The following SMARCC1 variants were observed in gnomAD, a reference collection of about 807,000 sequenced individuals.
SMARCC1 encodes SWI/SNF complex subunit SMARCC1.
SMARCC1 carries 43 observed loss-of-function variants against 147.4 expected under a neutral mutation model. The observed-to-expected ratio is 0.29, with a 90% CI of 0.23 to 0.38. The LOEUF (loss-of-function observed/expected upper bound fraction) is 0.38, where lower values mean the gene tolerates loss of function less well. SMARCC1 is among the 10% of genes least tolerant of loss of function. The pLI, the probability that SMARCC1 is intolerant of heterozygous loss-of-function variation, is 1.00. For synonymous variants in SMARCC1, 495 were observed against 484.4 expected, an observed-to-expected ratio of 1.02 and a Z score of -0.29; for missense variants, 1,119 against 1,381.1, an observed-to-expected ratio of 0.81 and a Z score of 3.01.
At chr3:47,759,606 T>A (rs1576433754) in intron 2 of SMARCC1, among the ~76,000 whole-genome samples, 1 of 65,606 alleles carries the variant, frequency 1.5e-5, no homozygotes, top group Non-Finnish European at 3.5e-5. Flanking sequence ...GGGACAGAGC[T>A]AGACTCCGTC....
chr3:47,614,784 T>G (rs947553025), intron 25 of SMARCC1, among the ~76,000 whole-genome samples: 1 of 152,220 alleles, frequency 6.6e-6, no homozygotes, highest in Non-Finnish European at 1.5e-5. Flanking sequence ...CCTGATAAAC[T>G]GTAAGGAAGA....
chr3:47,732,736 A>G (rs1347643108), intron 5 of SMARCC1, among the ~76,000 whole-genome samples: 1 of 152,204 alleles, frequency 6.6e-6, no homozygotes, highest in Non-Finnish European at 1.5e-5. Flanking sequence ...ACCATCTTCT[A>G]TGGGTGTTGT....
intron 2 of SMARCC1, among the ~76,000 whole-genome samples, chr3:47,761,950 T>G (rs555791280): frequency 6.6e-6 from 1 of 151,958 alleles, no homozygotes; most frequent in Non-Finnish European, 1.5e-5. Context: ...CTGGGATTTT[T>G]TTTGTATTTT....
chr3:47,697,965 G>A (rs113286672), intron 11 of SMARCC1, among the ~76,000 whole-genome samples: 1,725 of 111,476 alleles, frequency 0.015, 48 homozygotes, highest in African/African-American at 0.054. Context: ...TCGAGATCGC[G>A]CCACTGCACT....
At chr3:47,740,211 TA>T (rs984987307) in intron 3 of SMARCC1, among the ~76,000 whole-genome samples, 1,495 of 78,040 alleles carry the variant, frequency 0.019, 157 homozygotes, top group East Asian at 0.029. Context: ...TTTTTTTTTT[TA>T]AAAGACAGAC....
intron 11 of SMARCC1, among the ~76,000 whole-genome samples, chr3:47,695,101 G>A (rs1028418194): frequency 2.0e-5 from 3 of 152,236 alleles, no homozygotes; most frequent in Non-Finnish European, 4.4e-5. Flanking sequence ...CCCAACTGTA[G>A]TGTCCTGGTA....
chr3:47,698,820 T>C (rs570751764), intron 11 of SMARCC1, among the ~76,000 whole-genome samples: 8 of 151,854 alleles, frequency 5.3e-5, no homozygotes, highest in African/African-American at 7.3e-5. Flanking sequence ...AAAACTATAA[T>C]AACTCAGGCC....
Position 47,693,233 on chromosome 3 carries a change from G to A in SMARCC1, c.1225+8C>T. On this transcript the variant is annotated splice_region_variant and intron_variant, in intron 12 of 27. Transcript: ENST00000254480. ...GCACAGACCAGTGTATAGATTTTAGGTGCTTACCTAGATCCGCTACAGTTC... is the reference window on the plus strand; with the variant it reads ...GCACAGACCAGTGTATAGATTTTAGATGCTTACCTAGATCCGCTACAGTTC... The A allele has an allele frequency of 1.3e-6, 2 of 1,513,462 alleles. No homozygotes were observed. Among genetic ancestry groups the A allele is most frequent in the South Asian group, 1.1e-5 (1 of 88,914 alleles). The allele number at this position is 1,513,462 out of a possible 1,614,324, so 93.8% of individuals were successfully genotyped here.
chr3:47,747,641 A>G (rs1289347217), intron 2 of SMARCC1, among the ~76,000 whole-genome samples: 1 of 151,450 alleles, frequency 6.6e-6, no homozygotes, highest in Non-Finnish European at 1.5e-5. Flanking sequence ...CAAAAAACAA[A>G]TTTTTTTATA....
At position 47,676,704 on chromosome 3, in the gene SMARCC1, A is replaced by T; in HGVS notation, c.1650T>A (p.Pro550=). The T allele has an allele frequency of 2.5e-6, 4 of 1,612,702 alleles. No individual in the cohort carries two copies. Among genetic ancestry groups the T allele is most frequent in the Non-Finnish European group, 3.4e-6 (4 of 1,178,800 alleles). Residue 550 remains proline (P), a synonymous_variant, in exon 17 of 28, where the codon CCT becomes CCA. Coordinates refer to ENST00000254480, the MANE Select transcript of SMARCC1 (RefSeq NM_003074.4). ...ATACATTAAAATGAGGAGTAGGAGGAGGTCCCATTGCCATGGGTCTACTTT... is the reference window on the plus strand; with the variant it reads ...ATACATTAAAATGAGGAGTAGGAGGTGGTCCCATTGCCATGGGTCTACTTT... ...DPESRPMAMG[P]PPTPHFNVLA...
chr3:47,644,348 T>C (rs373807806), intron 21 of SMARCC1, among the ~76,000 whole-genome samples: 2 of 151,898 alleles, frequency 1.3e-5, no homozygotes, highest in African/African-American at 4.8e-5. Context: ...AAAACAAAAT[T>C]AGCTGAGCAC....
At chr3:47,719,927 G>C (rs564345626) in intron 7 of SMARCC1, among the ~76,000 whole-genome samples, 1 of 151,982 alleles carries the variant, frequency 6.6e-6, no homozygotes, top group South Asian at 2.1e-4. Flanking sequence ...AGTAGAGATG[G>C]AGTTTCACCA....
chr3:47,649,895 A>G (rs921163401), intron 21 of SMARCC1, among the ~76,000 whole-genome samples: 12 of 152,210 alleles, frequency 7.9e-5, no homozygotes, highest in Non-Finnish European at 2.9e-5. Flanking sequence ...GTATTAAATA[A>G]CTGATGTAGG....
At chr3:47,635,836 GA>G (rs2032961796) in intron 23 of SMARCC1, among the ~76,000 whole-genome samples, 185 bp downstream of exon 23, 1 of 152,190 alleles carries the variant, frequency 6.6e-6, no homozygotes, top group Admixed American at 6.5e-5. Flanking sequence ...TAAAAGCACA[GA>G]AAAAAGTGTA....
At chr3:47,731,625 G>A (rs777230032) in intron 5 of SMARCC1, among the ~76,000 whole-genome samples, 2 of 152,144 alleles carry the variant, frequency 1.3e-5, no homozygotes, top group Non-Finnish European at 2.9e-5. Flanking sequence ...AAACATGGCT[G>A]CAGAATGGAA....
At chr3:47,668,193 G>A (rs2033448031) in intron 19 of SMARCC1, among the ~76,000 whole-genome samples, 1 of 151,938 alleles carries the variant, frequency 6.6e-6, no homozygotes, top group Non-Finnish European at 1.5e-5. Context: ...GCCTTTTATA[G>A]CTACTTATTC....
Position 47,595,640 on chromosome 3 carries a change from C to T in SMARCC1, c.3044-4803G>A, listed in dbSNP as rs191846515. Among the ~76,000 whole-genome samples the T allele has an allele frequency of 2.2e-4, 34 of 152,174 alleles. 1 individual carries two copies. Among genetic ancestry groups the T allele is most frequent in the Admixed American group, 2.2e-3 (34 of 15,288 alleles). On this transcript the variant is annotated intron_variant, in intron 26 of 27. Coordinates refer to ENST00000254480, the MANE Select transcript of SMARCC1 (RefSeq NM_003074.4). ...CACTCCCATTATTACTGAGAGGTAC[C>T]ATTTATATGCAGCATCTATATAAAT... is the stretch of plus-strand genomic sequence containing the variant.
At chr3:47,750,105 C>T (rs952652359) in intron 2 of SMARCC1, among the ~76,000 whole-genome samples, 6 of 149,718 alleles carry the variant, frequency 4.0e-5, no homozygotes, top group African/African-American at 9.8e-5. Flanking sequence ...AGAAAATGCA[C>T]GAGTCATTAT....
At chr3:47,614,535 A>C (rs1452805920) in intron 25 of SMARCC1, among the ~76,000 whole-genome samples, 1 of 152,182 alleles carries the variant, frequency 6.6e-6, no homozygotes, top group African/African-American at 2.4e-5. Flanking sequence ...TTTCTTCCTC[A>C]GTTTGTCATA....
Sources: allele counts gnomAD v4.1 joint callset (sites outside exome capture counted in the v4.1 genomes callset), GRCh38; gene constraint gnomAD v4.1.1; transcripts MANE v1.5; gene names NCBI Gene and HGNC (gene_info 2026-07-23, HGNC 2026-07-21).